UBR2: variants seen among roughly 807,000 people sequenced by gnomAD.
UBR2 encodes E3 ubiquitin-protein ligase UBR2.
In UBR2, 92 loss-of-function variants were observed where a neutral mutation model predicts 247.9. That is an observed-to-expected ratio of 0.37 (90% confidence interval 0.31 to 0.44). The LOEUF (loss-of-function observed/expected upper bound fraction) is 0.44. Among genes scored for constraint, UBR2 ranks in the 20% least tolerant of loss-of-function variants. UBR2 has a pLI of 1.00. For missense variants in UBR2, 1,613 were observed against 2,112.6 expected, an observed-to-expected ratio of 0.76 and a Z score of 4.64; for synonymous variants, 672 against 693.5, an observed-to-expected ratio of 0.97 and a Z score of 0.49.
intron 31 of UBR2, 108 bp downstream of exon 31, chr6:42,662,385 GA>G: frequency 1.5e-6 from 1 of 680,622 alleles, no homozygotes; most frequent in Non-Finnish European, 2.4e-6. Flanking sequence ...TAAAAATGTT[GA>G]AAAAATCCGT....
At chr6:42,641,500 C>A in intron 16 of UBR2, 82 bp from the exon 17 acceptor site, 1 of 955,606 alleles carries the variant, frequency 1.0e-6, no homozygotes, top group South Asian at 1.5e-5. Flanking sequence ...GCATTTATCT[C>A]TATCGACCAA....
chr6:42,582,353 G>C (rs2151910096), intron 2 of UBR2, among the ~76,000 whole-genome samples: 1 of 151,592 alleles, frequency 6.6e-6, no homozygotes, highest in African/African-American at 2.4e-5. Flanking sequence ...CATAAGATAG[G>C]CCTTCTAGAC....
intron 1 of UBR2, among the ~76,000 whole-genome samples, chr6:42,569,807 G>C (rs900538845): frequency 2.0e-5 from 3 of 152,190 alleles, no homozygotes; most frequent in African/African-American, 7.2e-5. Context: ...CTATCCCAAG[G>C]CTTAAATTTA....
At chr6:42,667,852 G>A (rs1376374253) in intron 34 of UBR2, among the ~76,000 whole-genome samples, 5 of 148,840 alleles carry the variant, frequency 3.4e-5, no homozygotes, top group East Asian at 3.9e-4. Flanking sequence ...CTCCCCTCCC[G>A]GGTTCAAACA....
intron 3 of UBR2, among the ~76,000 whole-genome samples, chr6:42,593,952 A>T (rs899501814): frequency 3.9e-5 from 6 of 152,228 alleles, no homozygotes; most frequent in Middle Eastern, 6.3e-3. Context: ...TAAGGAAGTC[A>T]TGTAGGCAAA....
Position 42,628,975 on chromosome 6 carries a change from T to A in UBR2, c.1282-3577T>A, listed in dbSNP as rs1795524015. ...GCAATGCAAAATTGAATATGAATCA[T>A]ATAAAATGAATAAAAACTGTAATAT... On this transcript the variant is annotated intron_variant, in intron 11 of 46. Coordinates refer to ENST00000372901, the MANE Select transcript of UBR2 (RefSeq NM_001363705.2). Among the ~76,000 whole-genome samples, 3 of 152,064 alleles carry A rather than the reference T, an allele frequency of 2.0e-5. No homozygotes were observed. In the South Asian group the frequency reaches 6.2e-4, roughly 31 times the overall value.
chr6:42,652,564 C>T lies in UBR2; in HGVS notation c.2688C>T (p.Val896=). 3 of 1,613,702 alleles carry T rather than the reference C, an allele frequency of 1.9e-6. No homozygotes were observed. Among genetic ancestry groups the T allele is most frequent in the Non-Finnish European group, 2.5e-6 (3 of 1,179,982 alleles). Residue 896 remains valine (V), a synonymous_variant, in exon 25 of 47, where the codon GTC becomes GTT. Transcript: ENST00000372901. ...TGGTTAACATTTTGCAGTCAGATGT[C>T]ATGTTGTGCATCATGGGAACAATTC... is the stretch of plus-strand genomic sequence containing the variant. The part of the protein sequence containing the change: ...ASLVNILQSD[V]MLCIMGTILQ...
chr6:42,636,430 C>T (rs1383296121), intron 14 of UBR2, among the ~76,000 whole-genome samples: 3 of 152,076 alleles, frequency 2.0e-5, no homozygotes, highest in East Asian at 1.9e-4. Context: ...CTGCTTGCCT[C>T]GGCCTCCCAA....
intron 44 of UBR2, among the ~76,000 whole-genome samples, chr6:42,686,962 G>A (rs564827494): frequency 4.8e-4 from 73 of 151,414 alleles, no homozygotes; most frequent in African/African-American, 1.7e-3. Context: ...CATCCCAGAC[G>A]ATGGGCGGCC....
chr6:42,640,022 G>A (rs751702575), intron 15 of UBR2, among the ~76,000 whole-genome samples, 187 bp from the exon 16 acceptor site: 3 of 152,008 alleles, frequency 2.0e-5, no homozygotes, highest in Non-Finnish European at 2.9e-5. Flanking sequence ...GCGAGACTCC[G>A]TCTCAAAAAA....
intron 29 of UBR2, among the ~76,000 whole-genome samples, 155 bp downstream of exon 29, chr6:42,658,979 T>A (rs943074768): frequency 2.6e-5 from 4 of 152,186 alleles, no homozygotes; most frequent in Non-Finnish European, 5.9e-5. Flanking sequence ...AGATTTAATC[T>A]TAGAAGTCTC....
rs761253940 is a variant in UBR2 at position 42,676,240 on chromosome 6, C to T, written c.4387+49C>T. 11 of 1,503,594 alleles carry T rather than the reference C, an allele frequency of 7.3e-6. No individual in the cohort carries two copies. The South Asian group carries it at 1.4e-4, about 19-fold the overall frequency. 93.1% of individuals were successfully genotyped at this position (1,503,594 alleles called of 1,614,324 possible). On this transcript the variant is annotated intron_variant, in intron 39 of 46. Coordinates refer to ENST00000372901, the MANE Select transcript of UBR2 (RefSeq NM_001363705.2). ...TTCTTGAAGGAAATACTTGAGTTTT[C>T]TGAGTTTTAAAAAAAGTATTAGAGG...
chr6:42,588,235 G>A (rs900355801), intron 2 of UBR2, among the ~76,000 whole-genome samples: 4 of 152,222 alleles, frequency 2.6e-5, no homozygotes, highest in Non-Finnish European at 4.4e-5. Context: ...CAGAAGAACA[G>A]CCAGATGGAA....
intron 18 of UBR2, 30 bp downstream of exon 18, chr6:42,642,511 G>A: frequency 6.4e-7 from 1 of 1,555,768 alleles, no homozygotes. Context: ...GAACTTAAAG[G>A]TTGTGGGGAA....
At chr6:42,688,434 G>A in intron 45 of UBR2, 48 bp downstream of exon 45, 1 of 1,597,588 alleles carries the variant, frequency 6.3e-7, no homozygotes, top group Non-Finnish European at 8.5e-7. Flanking sequence ...CTCAGTATCT[G>A]ACTGTTAGGG....
chr6:42,611,539 A>C (rs1027381310), intron 7 of UBR2, among the ~76,000 whole-genome samples: 6 of 152,244 alleles, frequency 3.9e-5, no homozygotes, highest in African/African-American at 1.4e-4. Flanking sequence ...TGAGAAATTA[A>C]AGACATAAAG....
chr6:42,630,324 A>G (rs1472177046), intron 11 of UBR2, among the ~76,000 whole-genome samples: 2 of 151,698 alleles, frequency 1.3e-5, no homozygotes, highest in South Asian at 2.1e-4. Flanking sequence ...AGCTGGGATT[A>G]CAGGAGCCCA....
intron 1 of UBR2, among the ~76,000 whole-genome samples, chr6:42,572,756 CGCCCAGG>C (rs1441328043): frequency 6.6e-6 from 1 of 150,566 alleles, no homozygotes; most frequent in Non-Finnish European, 1.5e-5. Flanking sequence ...CTTGCTCTGT[CGCCCAGG>C]CTGGATCTTG....
At position 42,634,773 on chromosome 6, in the gene UBR2, C is replaced by T. The variant is rs1582602944; in HGVS notation, c.1546-645C>T. On this transcript the variant is annotated intron_variant, in intron 13 of 46. Coordinates refer to ENST00000372901, the MANE Select transcript of UBR2 (RefSeq NM_001363705.2). ...TCTGGCCTGACTTACCATTCTAGTT[C>T]CTAGGTTGGGTGGTAGTTCATGGGT... 9.9e-5 allele frequency among the ~76,000 whole-genome samples: 15 copies of T among 152,272 alleles called. No individual in the cohort carries two copies. The South Asian group carries it at 3.1e-3, about 32-fold the overall frequency.
Sources: gnomAD v4.1 joint callset for allele counts (sites outside exome capture counted in the v4.1 genomes callset) on GRCh38, gnomAD v4.1.1 for gene constraint, MANE v1.5 for transcripts, NCBI Gene and HGNC (gene_info 2026-07-23, HGNC 2026-07-21) for gene names.